The following NRXN3 variants were observed in gnomAD, a reference collection of about 807,000 sequenced individuals.
NRXN3 encodes the protein neurexin III.
NRXN3 carries 32 observed loss-of-function variants against 137.6 expected under a neutral mutation model. The observed-to-expected ratio is 0.23, with a 90% CI of 0.18 to 0.31. The LOEUF (loss-of-function observed/expected upper bound fraction) is 0.31, where lower values mean the gene tolerates loss of function less well. Among genes scored for constraint, NRXN3 ranks in the 10% least tolerant of loss-of-function variants. NRXN3 has a pLI of 1.00. For synonymous variants in NRXN3, 798 were observed against 784.5 expected, an observed-to-expected ratio of 1.02 and a Z score of -0.29; for missense variants, 1,574 against 2,062.5, an observed-to-expected ratio of 0.76 and a Z score of 4.59.
At chr14:78,325,705 C>A (rs912226094) in intron 4 of NRXN3, among the ~76,000 whole-genome samples, 5 of 151,962 alleles carry the variant, frequency 3.3e-5, no homozygotes, top group Non-Finnish European at 7.4e-5. Flanking sequence ...GATCTAGATT[C>A]TTTCCCAAGC....
At chr14:79,369,185 G>A (rs1050892693) in intron 15 of NRXN3, among the ~76,000 whole-genome samples, 2 of 152,156 alleles carry the variant, frequency 1.3e-5, no homozygotes, top group African/African-American at 4.8e-5. Flanking sequence ...AATCAAAGGT[G>A]GGTACAATGG....
chr14:79,271,345 C>T (rs992582102), intron 15 of NRXN3, among the ~76,000 whole-genome samples: 10 of 152,122 alleles, frequency 6.6e-5, no homozygotes, highest in Non-Finnish European at 4.4e-5. Context: ...GCTTCCAACA[C>T]ATGAGTTTCC....
chr14:79,822,668 T>C (rs1322968118), intron 20 of NRXN3, among the ~76,000 whole-genome samples: 1 of 152,206 alleles, frequency 6.6e-6, no homozygotes, highest in African/African-American at 2.4e-5. Flanking sequence ...TGTGAACTAA[T>C]AATGATGATG....
chr14:78,546,327 T>C (rs741523), intron 4 of NRXN3, among the ~76,000 whole-genome samples: 90,218 of 152,048 alleles, frequency 0.59, 27,637 homozygotes, highest in Non-Finnish European at 0.67. Context: ...ATCTGAGCAT[T>C]TTTGCATTTG....
intron 2 of NRXN3, among the ~76,000 whole-genome samples, chr14:78,264,431 C>G (rs1379328158): frequency 6.6e-6 from 1 of 152,120 alleles, no homozygotes; most frequent in African/African-American, 2.4e-5. Context: ...TACAAATAAG[C>G]AGGACCAAAA....
chr14:79,094,979 A>AGTGTGT lies in NRXN3; in HGVS notation c.3262+106864_3262+106869dup, dbSNP rs1555740770. Among the ~76,000 whole-genome samples, 611 of 115,858 alleles carry AGTGTGT rather than the reference A, an allele frequency of 5.3e-3. 7 individuals carry two copies. The highest frequency in any genetic ancestry group is 0.026 in the East Asian group (98 of 3,742). 76.0% of individuals were successfully genotyped at this position (115,858 alleles called of 152,430 possible). On this transcript the variant is annotated intron_variant, in intron 15 of 20. Transcript: ENST00000335750. ...GAGAGAGAGAGAGAGAGAGAGAGAG[A>AGTGTGT]GTGTGTGTGTGTGTGTGTGTGTGTG...
chr14:79,247,938 C>CA (rs2075425295), intron 15 of NRXN3, among the ~76,000 whole-genome samples: 1 of 152,030 alleles, frequency 6.6e-6, no homozygotes, highest in Non-Finnish European at 1.5e-5. Context: ...CACTTGTTAT[C>CA]TATCACCCTC....
intron 4 of NRXN3, among the ~76,000 whole-genome samples, chr14:78,428,150 A>G (rs1001199629): frequency 3.3e-5 from 5 of 152,250 alleles, no homozygotes; most frequent in Non-Finnish European, 5.9e-5. Flanking sequence ...AGCACCTGCC[A>G]TGTAGTTGAG....
At chr14:78,231,874 A>G (rs1366425224) in intron 1 of NRXN3, among the ~76,000 whole-genome samples, 1 of 152,212 alleles carries the variant, frequency 6.6e-6, no homozygotes. Context: ...AGAACTGTGT[A>G]GCAGCCTTTC....
intron 15 of NRXN3, among the ~76,000 whole-genome samples, chr14:79,051,308 G>A (rs989854793): frequency 5.9e-5 from 9 of 152,164 alleles, no homozygotes; most frequent in African/African-American, 1.4e-4. Flanking sequence ...AATTGTCACT[G>A]TGCTAAGTGG....
intron 15 of NRXN3, among the ~76,000 whole-genome samples, chr14:79,442,932 T>C (rs1226089272): frequency 6.6e-6 from 1 of 152,226 alleles, no homozygotes; most frequent in Non-Finnish European, 1.5e-5. Flanking sequence ...TTAGTGTTTA[T>C]GGCAATCCTC....
chr14:79,510,240 T>C (rs947631401), intron 16 of NRXN3, among the ~76,000 whole-genome samples: 5 of 152,184 alleles, frequency 3.3e-5, no homozygotes, highest in Non-Finnish European at 5.9e-5. Flanking sequence ...TCGGGATTCG[T>C]TGAATTTGAT....
At chr14:78,692,041 T>C (rs1218855670) in intron 6 of NRXN3, among the ~76,000 whole-genome samples, 3 of 152,174 alleles carry the variant, frequency 2.0e-5, no homozygotes, top group Admixed American at 1.3e-4. Flanking sequence ...TTATGTACTA[T>C]TATTTACTAA....
chr14:79,361,905 A>T (rs996335400), intron 15 of NRXN3, among the ~76,000 whole-genome samples: 48 of 151,974 alleles, frequency 3.2e-4, no homozygotes, highest in African/African-American at 1.0e-3. Flanking sequence ...ATGACTTTGC[A>T]TTCTTGCTAT....
intron 17 of NRXN3, among the ~76,000 whole-genome samples, chr14:79,684,054 C>T (rs961564041): frequency 2.0e-5 from 3 of 152,126 alleles, no homozygotes; most frequent in Non-Finnish European, 4.4e-5. Flanking sequence ...TCTTCCTATT[C>T]AGGGACTAGA....
intron 15 of NRXN3, among the ~76,000 whole-genome samples, chr14:79,314,421 C>G (rs57449228): frequency 3.5e-5 from 1 of 28,640 alleles, no homozygotes. Context: ...CCTACGCCCA[C>G]GGAATCTCGC....
chr14:78,624,809 TTGTGTGTGTGTG>T (rs56948487), intron 4 of NRXN3, among the ~76,000 whole-genome samples: 1 of 149,266 alleles, frequency 6.7e-6, no homozygotes, highest in African/African-American at 2.5e-5. Flanking sequence ...TCCTGTTCCT[TTGTGTGTGTGTG>T]TGTGTGTGTG....
chr14:79,139,723 C>T (rs933611949), intron 15 of NRXN3, among the ~76,000 whole-genome samples: 16 of 151,814 alleles, frequency 1.1e-4, no homozygotes, highest in Non-Finnish European at 2.2e-4. Context: ...TCCAGTAATG[C>T]ATACCAAATG....
chr14:78,793,659 G>T (rs1035823568), intron 8 of NRXN3, among the ~76,000 whole-genome samples: 7 of 152,170 alleles, frequency 4.6e-5, no homozygotes, highest in African/African-American at 1.7e-4. Flanking sequence ...CAACCCTGGA[G>T]TCCAGGGTTT....
Sources: gnomAD v4.1 joint callset for allele counts (sites outside exome capture counted in the v4.1 genomes callset) on GRCh38, gnomAD v4.1.1 for gene constraint, MANE v1.5 for transcripts, NCBI Gene and HGNC (gene_info 2026-07-23, HGNC 2026-07-21) for gene names.